The following CCSER1 variants were observed in gnomAD, a reference collection of about 807,000 sequenced individuals.
CCSER1 encodes serine-rich coiled-coil domain-containing protein 1.
CCSER1 carries 41 observed loss-of-function variants against 82.0 expected under a neutral mutation model. That is an observed-to-expected ratio of 0.50 (90% CI 0.39 to 0.65). CCSER1 has a LOEUF of 0.65. Among genes scored for constraint, CCSER1 ranks in the 30% least tolerant of loss-of-function variants. The probability of loss-of-function intolerance (pLI) is 0.00; values close to 1 mark genes in which losing one functional copy is unlikely to be tolerated. For synonymous variants in CCSER1, 414 were observed against 383.9 expected, an observed-to-expected ratio of 1.08 and a Z score of -0.92; for missense variants, 1,119 against 1,064.2, an observed-to-expected ratio of 1.05 and a Z score of -0.72.
At position 90,142,609 on chromosome 4, in the gene CCSER1, G is replaced by A. The variant is rs147594440; in HGVS notation, c.-42+14778G>A. On this transcript the variant is annotated intron_variant, in intron 1 of 10. Transcript: ENST00000509176. ...ATGCACAATACAGCAGAGGGATATC[G>A]TTTTATTTATTTACCACTTTTTTTT... Among the ~76,000 whole-genome samples the A allele has an allele frequency of 1.5e-3, 224 of 146,848 alleles. 1 individual carries two copies. The highest frequency in any genetic ancestry group is 2.8e-3 in the Non-Finnish European group (192 of 67,570).
chr4:90,682,264 TAAAAAAAAAG>T (rs1734030352), intron 6 of CCSER1, among the ~76,000 whole-genome samples: 1 of 148,320 alleles, frequency 6.7e-6, no homozygotes, highest in Non-Finnish European at 1.5e-5. Context: ...CATACCCTAT[TAAAAAAAAAG>T]AAAAAAAAAG....
At chr4:91,106,172 A>T (rs896544058) in intron 10 of CCSER1, among the ~76,000 whole-genome samples, 5 of 152,244 alleles carry the variant, frequency 3.3e-5, no homozygotes, top group Non-Finnish European at 7.3e-5. Flanking sequence ...CTATGTGCTT[A>T]TCATGGGCCA....
intron 1 of CCSER1, among the ~76,000 whole-genome samples, chr4:90,258,441 G>T (rs1393571863): frequency 1.3e-5 from 2 of 152,186 alleles, no homozygotes; most frequent in African/African-American, 4.8e-5. Flanking sequence ...GAACCTGGGA[G>T]GCAGAGGTTG....
At chr4:90,798,482 A>G (rs1298326234) in intron 7 of CCSER1, among the ~76,000 whole-genome samples, 1 of 151,214 alleles carries the variant, frequency 6.6e-6, no homozygotes, top group African/African-American at 2.5e-5. Context: ...CTGTCATTTC[A>G]GCCATCTCAC....
chr4:90,561,804 A>G (rs1778786429), intron 5 of CCSER1, among the ~76,000 whole-genome samples: 1 of 152,208 alleles, frequency 6.6e-6, no homozygotes. Flanking sequence ...TATCCAGCTC[A>G]TTACATAACT....
At chr4:91,301,695 G>A (rs1744680931) in intron 10 of CCSER1, among the ~76,000 whole-genome samples, 1 of 151,756 alleles carries the variant, frequency 6.6e-6, no homozygotes, top group African/African-American at 2.4e-5. Flanking sequence ...CTACTTTTTA[G>A]AGAAAGTCAC....
chr4:91,529,133 A>G (rs149966785), intron 10 of CCSER1, among the ~76,000 whole-genome samples: 2,007 of 152,282 alleles, frequency 0.013, 33 homozygotes, highest in African/African-American at 0.044. Context: ...GTATTTAATG[A>G]CATTGGCATA....
At chr4:90,514,159 T>C (rs1038342885) in intron 5 of CCSER1, among the ~76,000 whole-genome samples, 1 of 152,108 alleles carries the variant, frequency 6.6e-6, no homozygotes, top group Non-Finnish European at 1.5e-5. Context: ...CAGCAGGAAA[T>C]TGGGGATTCT....
At chr4:91,348,432 G>A (rs1231496081) in intron 10 of CCSER1, among the ~76,000 whole-genome samples, 1 of 152,076 alleles carries the variant, frequency 6.6e-6, no homozygotes. Context: ...GGTCTATAAT[G>A]TTTTTGTCTT....
At chr4:90,587,061 A>G (rs1434882305) in intron 5 of CCSER1, among the ~76,000 whole-genome samples, 1 of 152,232 alleles carries the variant, frequency 6.6e-6, no homozygotes, top group African/African-American at 2.4e-5. Flanking sequence ...CTGTAATGTG[A>G]TAAGGACTCA....
chr4:91,143,879 G>T (rs759852691), intron 10 of CCSER1, among the ~76,000 whole-genome samples: 1 of 152,012 alleles, frequency 6.6e-6, no homozygotes, highest in Non-Finnish European at 1.5e-5. Context: ...TGGCTTGGCA[G>T]TATTTTATTA....
intron 5 of CCSER1, among the ~76,000 whole-genome samples, chr4:90,498,960 A>C (rs1769420608): frequency 6.6e-6 from 1 of 152,164 alleles, no homozygotes; most frequent in Admixed American, 6.6e-5. Context: ...AACTCCACTT[A>C]TAAGTTTTAA....
In CCSER1 at chr4:90,184,079, C is replaced by T. The variant is rs565929440; in HGVS notation, c.-42+56248C>T. On this transcript the variant is annotated intron_variant, in intron 1 of 10. Coordinates refer to ENST00000509176, the MANE Select transcript of CCSER1 (RefSeq NM_001145065.2). Reference sequence around the variant, plus strand: ...GTATCTAGCACTAGTCTAGAAATAGCACCTAGGGGAGGAGATTCTGTTAAA... The same window carrying T: ...GTATCTAGCACTAGTCTAGAAATAGTACCTAGGGGAGGAGATTCTGTTAAA... Among the ~76,000 whole-genome samples the T allele has an allele frequency of 8.7e-4, 133 of 152,192 alleles. 1 individual carries two copies. Among genetic ancestry groups the T allele is most frequent in the Non-Finnish European group, 2.4e-4 (16 of 67,986 alleles).
intron 5 of CCSER1, among the ~76,000 whole-genome samples, chr4:90,495,436 T>C (rs1768834179): frequency 6.6e-6 from 1 of 152,200 alleles, no homozygotes; most frequent in Non-Finnish European, 1.5e-5. Flanking sequence ...AATGGATGTC[T>C]AGCCATCTGC....
intron 10 of CCSER1, among the ~76,000 whole-genome samples, chr4:91,578,584 T>A (rs1248550478): frequency 6.6e-6 from 1 of 151,960 alleles, no homozygotes; most frequent in East Asian, 1.9e-4. Flanking sequence ...AGAATGCTTC[T>A]TAGGTTATAA....
At chr4:90,488,062 G>T (rs1767391311) in intron 5 of CCSER1, among the ~76,000 whole-genome samples, 1 of 152,182 alleles carries the variant, frequency 6.6e-6, no homozygotes. Flanking sequence ...AAGAAATGGG[G>T]AAAATTAGAC....
chr4:90,520,974 A>T (rs1031265640), intron 5 of CCSER1, among the ~76,000 whole-genome samples: 1 of 152,198 alleles, frequency 6.6e-6, no homozygotes, highest in Non-Finnish European at 1.5e-5. Context: ...TTGCAGTGGG[A>T]AGAGGAATAT....
intron 10 of CCSER1, among the ~76,000 whole-genome samples, chr4:91,498,375 A>T (rs562746727): frequency 1.7e-4 from 26 of 151,846 alleles, no homozygotes; most frequent in African/African-American, 6.0e-4. Flanking sequence ...TTTTCCCTTT[A>T]TATTTACTCT....
Position 91,603,088 on chromosome 4 carries a change from G to A in CCSER1, c.*4031G>A, listed in dbSNP as rs116834292. On this transcript the variant is annotated 3_prime_UTR_variant, in exon 11 of 11. Coordinates refer to ENST00000509176, the MANE Select transcript of CCSER1 (RefSeq NM_001145065.2). ...ATGACAACTCTAGGCTGTAGAAGGCGTAATATAAAATACAAACTAGTTTTG... is the reference window on the plus strand; with the variant it reads ...ATGACAACTCTAGGCTGTAGAAGGCATAATATAAAATACAAACTAGTTTTG... Among the ~76,000 whole-genome samples, 1,089 of 152,068 alleles carry A rather than the reference G, an allele frequency of 7.2e-3. 18 individuals carry two copies. The highest frequency in any genetic ancestry group is 0.025 in the African/African-American group (1,032 of 41,510).
Sources: allele counts gnomAD v4.1 joint callset (sites outside exome capture counted in the v4.1 genomes callset), GRCh38; gene constraint gnomAD v4.1.1; transcripts MANE v1.5; gene names NCBI Gene and HGNC (gene_info 2026-07-23, HGNC 2026-07-21).